Variants in MAP4K5 observed in about 807,000 individuals in gnomAD.
The protein encoded by MAP4K5 is mitogen-activated protein kinase kinase kinase kinase 5.
In MAP4K5, 82 loss-of-function variants were observed where a neutral mutation model predicts 135.6. The ratio of observed to expected loss-of-function variants is 0.60; its 90% CI spans 0.51 to 0.73. The LOEUF is 0.73. MAP4K5 is among the 30% of genes least tolerant of loss of function. The pLI, the probability that MAP4K5 is intolerant of heterozygous loss-of-function variation, is 0.00. For missense variants in MAP4K5, 907 were observed against 1,010.9 expected, an observed-to-expected ratio of 0.90 and a Z score of 1.39; for synonymous variants, 347 against 335.0, an observed-to-expected ratio of 1.04 and a Z score of -0.39.
intron 2 of MAP4K5, among the ~76,000 whole-genome samples, chr14:50,521,670 G>T (rs184761900): frequency 1.5e-3 from 233 of 152,188 alleles, no homozygotes; most frequent in Middle Eastern, 0.01. Context: ...GGAAGGCGGG[G>T]GCCAGTATGA....
At chr14:50,507,247 G>A (rs1357245959) in intron 2 of MAP4K5, among the ~76,000 whole-genome samples, 1 of 152,210 alleles carries the variant, frequency 6.6e-6, no homozygotes, top group Non-Finnish European at 1.5e-5. Context: ...CCATCCTGCT[G>A]CCAGGGGTGA....
At chr14:50,538,603 A>G (rs377553712) in intron 2 of MAP4K5, among the ~76,000 whole-genome samples, 1 of 152,342 alleles carries the variant, frequency 6.6e-6, no homozygotes, top group East Asian at 1.9e-4. Flanking sequence ...AAGTTTGCCC[A>G]CACCTCATGT....
intron 14 of MAP4K5, among the ~76,000 whole-genome samples, chr14:50,453,831 C>T (rs1595457418): frequency 6.6e-6 from 1 of 152,232 alleles, no homozygotes; most frequent in East Asian, 1.9e-4. Flanking sequence ...TTGATGAAAT[C>T]TTGAATGGTT....
chr14:50,560,820 C>G (rs530276003), intron 1 of MAP4K5, among the ~76,000 whole-genome samples: 81 of 152,300 alleles, frequency 5.3e-4, no homozygotes, highest in African/African-American at 1.9e-3. Flanking sequence ...TGAGGCGGAG[C>G]GCGCCGGGTC....
At chr14:50,437,385 T>C in intron 26 of MAP4K5, 91 bp downstream of exon 26, 1 of 981,282 alleles carries the variant, frequency 1.0e-6, no homozygotes, top group African/African-American at 1.7e-5. Context: ...AAACCTACCC[T>C]CCTTCCTATT....
At chr14:50,515,045 A>G (rs970409783) in intron 2 of MAP4K5, among the ~76,000 whole-genome samples, 12 of 152,036 alleles carry the variant, frequency 7.9e-5, no homozygotes, top group African/African-American at 2.4e-4. Context: ...CTGGGACTAC[A>G]GGCACTCGCC....
chr14:50,499,688 CTT>C (rs1156724115), intron 3 of MAP4K5, among the ~76,000 whole-genome samples: 1 of 150,420 alleles, frequency 6.6e-6, no homozygotes, highest in Non-Finnish European at 1.5e-5. Flanking sequence ...ATATGGAAGA[CTT>C]TAAAAATTCA....
At chr14:50,475,024 C>G in intron 9 of MAP4K5, 53 bp downstream of exon 9, 1 of 1,469,120 alleles carries the variant, frequency 6.8e-7, no homozygotes, top group South Asian at 1.1e-5. Flanking sequence ...AGGTTGATCA[C>G]AAAACCATGA....
intron 2 of MAP4K5, among the ~76,000 whole-genome samples, chr14:50,524,885 C>T (rs993936229): frequency 6.6e-6 from 1 of 152,184 alleles, no homozygotes; most frequent in Admixed American, 6.5e-5. Flanking sequence ...ATTCATCTTC[C>T]TCATTGCAGT....
At chr14:50,499,442 G>A (rs1303783556) in intron 3 of MAP4K5, among the ~76,000 whole-genome samples, 1 of 152,134 alleles carries the variant, frequency 6.6e-6, no homozygotes, top group African/African-American at 2.4e-5. Flanking sequence ...CAGATCACTT[G>A]AGGCCAGGAG....
chr14:50,558,236 G>A (rs984627657), intron 1 of MAP4K5, among the ~76,000 whole-genome samples: 1 of 152,202 alleles, frequency 6.6e-6, no homozygotes, highest in Non-Finnish European at 1.5e-5. Flanking sequence ...GCGACCGCCA[G>A]TAATCCCAGC....
At chr14:50,430,427 C>T (rs930277873) in intron 28 of MAP4K5, among the ~76,000 whole-genome samples, 4 of 152,212 alleles carry the variant, frequency 2.6e-5, no homozygotes, top group Non-Finnish European at 4.4e-5. Flanking sequence ...GACAGGGCCA[C>T]ATTCTTAAAA....
intron 9 of MAP4K5, among the ~76,000 whole-genome samples, chr14:50,473,621 C>G (rs1008395297): frequency 6.6e-6 from 1 of 151,264 alleles, no homozygotes; most frequent in Non-Finnish European, 1.5e-5. Context: ...GCAGTTAAAT[C>G]TATCAGCATT....
chr14:50,534,948 A>G (rs138411811), upstream of MAP4K5, among the ~76,000 whole-genome samples: 318 of 152,346 alleles, frequency 2.1e-3, no homozygotes, highest in African/African-American at 7.4e-3. Context: ...GTTGAAGTTT[A>G]TGTAATAATA....
chr14:50,505,290 T>C (rs1036625458), intron 2 of MAP4K5, among the ~76,000 whole-genome samples: 5 of 152,158 alleles, frequency 3.3e-5, no homozygotes, highest in Admixed American at 1.3e-4. Flanking sequence ...CTGGTACACA[T>C]ATGTATATGC....
chr14:50,542,165 A>G (rs2038572433), intron 2 of MAP4K5, among the ~76,000 whole-genome samples: 1 of 151,748 alleles, frequency 6.6e-6, no homozygotes, highest in African/African-American at 2.4e-5. Flanking sequence ...ACTATGTGAC[A>G]TTAACTGCTC....
At chr14:50,428,778 G>A (rs2035905497) in intron 29 of MAP4K5, 24 bp from the exon 30 acceptor site, 6 of 1,075,880 alleles carry the variant, frequency 5.6e-6, no homozygotes, top group Non-Finnish European at 8.0e-6. Context: ...AACAAGTCAA[G>A]ACTGGACATG....
intron 2 of MAP4K5, among the ~76,000 whole-genome samples, chr14:50,507,101 G>C (rs2037826641): frequency 1.3e-5 from 2 of 152,182 alleles, no homozygotes; most frequent in Non-Finnish European, 2.9e-5. Flanking sequence ...AAATGTGTTA[G>C]AAGATGAATT....
chr14:50,548,019 C>A (rs1022950528), intron 1 of MAP4K5, among the ~76,000 whole-genome samples: 5 of 152,120 alleles, frequency 3.3e-5, no homozygotes, highest in Non-Finnish European at 7.4e-5. Context: ...GAGTCTCTTG[C>A]AGATGTGGAG....
Sources: allele counts gnomAD v4.1 joint callset (sites outside exome capture counted in the v4.1 genomes callset), GRCh38; gene constraint gnomAD v4.1.1; transcripts MANE v1.5; gene names NCBI Gene and HGNC (gene_info 2026-07-23, HGNC 2026-07-21).